The following NLRP7 variants were observed in gnomAD, a reference collection of about 807,000 sequenced individuals.
The protein encoded by NLRP7 is NACHT, LRR and PYD domains-containing protein 7.
In NLRP7, 72 loss-of-function variants were observed where a neutral mutation model predicts 85.5. The ratio of observed to expected loss-of-function variants is 0.84; its 90% CI spans 0.70 to 1.02. The LOEUF is 1.02. NLRP7 is among the 50% of genes least tolerant of loss of function. NLRP7 has a pLI of 0.00. For missense variants in NLRP7, 1,243 were observed against 1,219.5 expected (o/e 1.02, Z -0.29); for synonymous variants, 550 against 505.2 (o/e 1.09, Z -1.19).
chr19:54,960,136 G>GT (rs1034653066), intron 1 of NLRP7, among the ~76,000 whole-genome samples: 17 of 151,650 alleles, frequency 1.1e-4, no homozygotes, highest in East Asian at 5.8e-4. Context: ...GGTGTTTCTT[G>GT]TTTTTTTTGT....
chr19:54,964,319 C>T (rs2070215443), intron 1 of NLRP7, among the ~76,000 whole-genome samples: 2 of 145,666 alleles, frequency 1.4e-5, no homozygotes, highest in Non-Finnish European at 3.0e-5. Context: ...CGGGTTCACG[C>T]CATTCTCCTG....
Position 54,960,874 on chromosome 19 carries a change from C to T in NLRP7, c.-77+5166G>A, listed in dbSNP as rs867801603. Among the ~76,000 whole-genome samples, 8 of 152,066 alleles carry T rather than the reference C, an allele frequency of 5.3e-5. No homozygotes were observed. In the South Asian group the frequency reaches 8.3e-4, roughly 16 times the overall value. The stretch of plus-strand genomic sequence containing the variant: ...CCTCCCAAAGTGCTGGGATTACAGG[C>T]GTGAGCCACCATGCCCAGCACAAAA... On this transcript the variant is annotated intron_variant, in intron 1 of 2. Coordinates refer to the NLRP7 transcript ENST00000587103.
At chr19:54,941,384 A>G (rs1439359903) in intron 2 of NLRP7, 51 bp downstream of exon 2, 1 of 670,128 alleles carries the variant, frequency 1.5e-6, no homozygotes, top group Non-Finnish European at 2.1e-6. Context: ...TCCATCTCAA[A>G]AAAAAAAAAA....
chr19:54,941,134 T>G, intron 2 of NLRP7, 129 bp from the exon 3 acceptor site: 2 of 786,826 alleles, frequency 2.5e-6, no homozygotes, highest in Non-Finnish European at 4.5e-6. Flanking sequence ...AAGGCTGAGG[T>G]GGGCGGATCA....
intron 1 of NLRP7, among the ~76,000 whole-genome samples, chr19:54,954,253 C>T (rs1030700418): frequency 1.3e-5 from 2 of 148,258 alleles, no homozygotes; most frequent in Non-Finnish European, 3.0e-5. Flanking sequence ...ACCGGCCGGG[C>T]GCGGTGGTCA....
chr19:54,948,646 T>C (rs772359092), upstream of NLRP7, among the ~76,000 whole-genome samples: 8 of 152,160 alleles, frequency 5.3e-5, no homozygotes, highest in Non-Finnish European at 7.4e-5. Context: ...TCTCCATTCT[T>C]GCAACCTCTG....
intron 1 of NLRP7, among the ~76,000 whole-genome samples, chr19:54,964,374 G>A (rs866238085): frequency 6.7e-5 from 10 of 150,254 alleles, no homozygotes; most frequent in African/African-American, 2.4e-4. Context: ...CCGCCACCAC[G>A]CCCGGCTAAT....
chr19:54,949,303 C>T (rs979305233), upstream of NLRP7, among the ~76,000 whole-genome samples: 4 of 150,408 alleles, frequency 2.7e-5, no homozygotes, highest in Admixed American at 1.3e-4. Flanking sequence ...TGGCCAGGCG[C>T]AGTGGTTCAT....
At chr19:54,955,055 C>T (rs754327013) in intron 1 of NLRP7, among the ~76,000 whole-genome samples, 5 of 150,812 alleles carry the variant, frequency 3.3e-5, no homozygotes, top group Non-Finnish European at 7.4e-5. Context: ...TGGCCGGGCG[C>T]GGTGGCTCAC....
At chr19:54,933,713 G>C in exon 8 of NLRP7, 1 of 1,614,120 alleles carries the variant, frequency 6.2e-7, no homozygotes, top group Non-Finnish European at 8.5e-7. Context: ...CTTGCAACTG[G>C]CTTCTGTAAG....
At chr19:54,941,035 C>A in intron 2 of NLRP7, 30 bp from the exon 3 acceptor site, 1 of 1,433,906 alleles carries the variant, frequency 7.0e-7, no homozygotes, top group Non-Finnish European at 9.8e-7. Flanking sequence ...AAGCCTGACA[C>A]AGTAATTTAC....
In NLRP7 at chr19:54,938,873, GA is replaced by G. The variant is rs1290970717; in HGVS notation, c.1931+14del. The G allele has an allele frequency of 2.5e-6, 4 of 1,613,410 alleles. No homozygotes were observed. The highest frequency in any genetic ancestry group is 1.3e-5 in the African/African-American group (1 of 74,948). Reference sequence around the variant, plus strand: ...CTCTTCCTAGTGGAGCGTGGGATGGGAAAACAGTTCTTACCTTTCAAATTCA... The same window carrying G: ...CTCTTCCTAGTGGAGCGTGGGATGGGAAACAGTTCTTACCTTTCAAATTCA... On this transcript the variant is annotated intron_variant, in intron 4 of 9. Coordinates refer to ENST00000340844, the Ensembl canonical transcript of NLRP7.
exon 8 of NLRP7, chr19:54,933,633 C>A: frequency 6.2e-7 from 1 of 1,614,160 alleles, no homozygotes; most frequent in Non-Finnish European, 8.5e-7. Context: ...ACCCCTGTAT[C>A]CCCAATGGGG....
intron 9 of NLRP7, among the ~76,000 whole-genome samples, chr19:54,925,726 C>T (rs1335111407): frequency 2.0e-5 from 3 of 152,174 alleles, no homozygotes; most frequent in Middle Eastern, 3.4e-3. Flanking sequence ...AGGCCGGGCG[C>T]GGTGGCTCAC....
At chr19:54,927,970 G>A (rs567134364) in intron 9 of NLRP7, among the ~76,000 whole-genome samples, 195 bp from the exon 10 acceptor site, 3 of 152,198 alleles carry the variant, frequency 2.0e-5, no homozygotes, top group Non-Finnish European at 4.4e-5. Flanking sequence ...ACAGACACCT[G>A]TAGCCCCAGC....
chr19:54,965,030 T>C (rs1219195114), intron 1 of NLRP7: 1 of 103,166 alleles, frequency 9.7e-6, no homozygotes, highest in Non-Finnish European at 2.0e-5. Context: ...ATCACAATTA[T>C]CTGGGACTCT....
chr19:54,948,039 C>G (rs1348450494), upstream of NLRP7, among the ~76,000 whole-genome samples: 1 of 152,156 alleles, frequency 6.6e-6, no homozygotes, highest in African/African-American at 2.4e-5. Flanking sequence ...GAGTTTGATA[C>G]CAGCCTAGGC....
exon 2 of NLRP7, chr19:54,941,692 T>C (rs756586728): frequency 6.2e-7 from 1 of 1,612,962 alleles, no homozygotes; most frequent in Non-Finnish European, 8.5e-7. Flanking sequence ...CAGAGTCCAC[T>C]CTAGCTGGGG....
At chr19:54,964,513 G>T (rs1407856625) in intron 1 of NLRP7, among the ~76,000 whole-genome samples, 1 of 151,694 alleles carries the variant, frequency 6.6e-6, no homozygotes, top group African/African-American at 2.4e-5. Flanking sequence ...ACTGTGCCCG[G>T]CTATATGTTT....
Sources: gnomAD v4.1 joint callset for allele counts (sites outside exome capture counted in the v4.1 genomes callset) on GRCh38, gnomAD v4.1.1 for gene constraint, MANE v1.5 for transcripts, NCBI Gene and HGNC (gene_info 2026-07-23, HGNC 2026-07-21) for gene names.